The following SORCS1 variants were observed in gnomAD, a reference collection of about 807,000 sequenced individuals.
SORCS1 encodes the protein VPS10 domain-containing receptor SorCS1.
SORCS1 carries 60 observed loss-of-function variants against 146.1 expected under a neutral mutation model. The observed-to-expected ratio is 0.41, with a 90% confidence interval of 0.33 to 0.51. The LOEUF (loss-of-function observed/expected upper bound fraction) is 0.51. Ranked by LOEUF, SORCS1 falls within the 20% of genes least tolerant of loss-of-function variation. SORCS1 has a pLI of 0.21. For synonymous variants in SORCS1, 637 were observed against 584.0 expected (o/e 1.09, Z -1.31); for missense variants, 1,352 against 1,487.6 (o/e 0.91, Z 1.50).
intron 5 of SORCS1, among the ~76,000 whole-genome samples, chr10:106,742,385 CAA>C (rs71951067): frequency 0.097 from 14,386 of 148,180 alleles, 1,424 homozygotes; most frequent in East Asian, 0.27. Flanking sequence ...TAATTTTACA[CAA>C]TTTTTTTTTT....
At chr10:106,672,769 G>T in intron 15 of SORCS1, 99 bp downstream of exon 15, 4 of 915,068 alleles carry the variant, frequency 4.4e-6, no homozygotes, top group Non-Finnish European at 6.9e-6. Flanking sequence ...GGACATTTTG[G>T]CCTAGAGCAT....
intron 1 of SORCS1, among the ~76,000 whole-genome samples, chr10:107,036,367 A>G (rs7895351): frequency 0.48 from 73,262 of 152,022 alleles, 17,759 homozygotes; most frequent in East Asian, 0.65. Flanking sequence ...AGATTTTGGT[A>G]TTCACGGGGT....
intron 24 of SORCS1, among the ~76,000 whole-genome samples, chr10:106,580,992 A>C (rs987074567): frequency 1.3e-5 from 2 of 152,166 alleles, no homozygotes; most frequent in Non-Finnish European, 2.9e-5. Flanking sequence ...TTGTGTGTAA[A>C]AGATGGGTGG....
intron 1 of SORCS1, among the ~76,000 whole-genome samples, chr10:106,993,128 C>T (rs981162007): frequency 6.6e-6 from 1 of 152,198 alleles, no homozygotes; most frequent in Non-Finnish European, 1.5e-5. Context: ...CCACGCCCAG[C>T]CGGGCCTGGC....
At chr10:107,059,967 G>C (rs142902500) in intron 1 of SORCS1, among the ~76,000 whole-genome samples, 7 of 151,972 alleles carry the variant, frequency 4.6e-5, no homozygotes, top group Non-Finnish European at 8.8e-5. Flanking sequence ...AAGTACATTA[G>C]AATGCCAGAG....
Position 106,699,151 on chromosome 10 carries a change from G to A in SORCS1, c.1413+63C>T, listed in dbSNP as rs1853935081. 6.3e-6 allele frequency: 9 copies of A among 1,431,200 alleles called. No homozygotes were observed. The Admixed American group carries it at 6.8e-5, about 11-fold the overall frequency. The allele number at this position is 1,431,200 out of a possible 1,614,324, so 88.7% of individuals were successfully genotyped here. A position where few individuals can be genotyped will look rare whatever the true frequency, so the allele number is the denominator to read the frequency against. On this transcript the variant is annotated intron_variant, in intron 9 of 25. Transcript: ENST00000263054. Reference sequence around the variant, plus strand: ...AAATGACCAGGAAAAGAGTCCATGCGGGGCTTCCATCAGCCAGCTGGGCAC... The same window carrying A: ...AAATGACCAGGAAAAGAGTCCATGCAGGGCTTCCATCAGCCAGCTGGGCAC...
intron 1 of SORCS1, among the ~76,000 whole-genome samples, chr10:107,069,518 G>A (rs956884852): frequency 1.6e-4 from 25 of 152,046 alleles, no homozygotes; most frequent in African/African-American, 5.6e-4. Context: ...TGGGATTACA[G>A]GCACCCACCA....
intron 9 of SORCS1, among the ~76,000 whole-genome samples, chr10:106,697,603 T>C (rs1385033916): frequency 4.7e-5 from 2 of 42,204 alleles, no homozygotes; most frequent in Non-Finnish European, 2.5e-4. Flanking sequence ...GTTAAGGCTA[T>C]GAGAGTAGAA....
chr10:106,990,091 A>G (rs7893130), intron 1 of SORCS1, among the ~76,000 whole-genome samples: 18,818 of 152,146 alleles, frequency 0.12, 3,464 homozygotes, highest in African/African-American at 0.4. Context: ...TTCTTTTGCA[A>G]TGAAAATACC....
At chr10:107,066,023 T>C (rs775919269) in intron 1 of SORCS1, among the ~76,000 whole-genome samples, 10 of 152,186 alleles carry the variant, frequency 6.6e-5, no homozygotes, top group Non-Finnish European at 1.2e-4. Context: ...CATATTTCTC[T>C]AAACCTTCAT....
chr10:107,124,078 C>T (rs573858201), intron 1 of SORCS1, among the ~76,000 whole-genome samples: 153 of 147,156 alleles, frequency 1.0e-3, no homozygotes, highest in African/African-American at 3.5e-3. Context: ...CAGAGCGAGA[C>T]TTCGTCTCAA....
chr10:106,844,076 C>T (rs1330871422), intron 2 of SORCS1, among the ~76,000 whole-genome samples: 5 of 152,188 alleles, frequency 3.3e-5, no homozygotes, highest in Admixed American at 2.0e-4. Context: ...TGATAAAAAA[C>T]ATCCTAATAG....
chr10:106,660,051 C>A (rs1205420572), intron 17 of SORCS1, among the ~76,000 whole-genome samples: 2 of 152,048 alleles, frequency 1.3e-5, no homozygotes, highest in East Asian at 1.9e-4. Context: ...AACACATGCA[C>A]CATTTTTAGG....
chr10:106,755,260 G>T (rs1455554158), intron 5 of SORCS1, among the ~76,000 whole-genome samples: 1 of 152,152 alleles, frequency 6.6e-6, no homozygotes, highest in Non-Finnish European at 1.5e-5. Flanking sequence ...TTTTTCTCCT[G>T]TCTTTTATTG....
intron 3 of SORCS1, among the ~76,000 whole-genome samples, chr10:106,794,802 C>T (rs1400645079): frequency 6.6e-6 from 1 of 152,040 alleles, no homozygotes; most frequent in African/African-American, 2.4e-5. Context: ...CACACCGGGC[C>T]CTCATTGTTT....
intron 17 of SORCS1, among the ~76,000 whole-genome samples, chr10:106,663,509 T>C (rs1195635837): frequency 6.6e-6 from 1 of 152,172 alleles, no homozygotes; most frequent in Non-Finnish European, 1.5e-5. Flanking sequence ...ATTTTTTAAG[T>C]AAAAATCTAA....
At chr10:106,841,361 T>C (rs1347218736) in intron 2 of SORCS1, among the ~76,000 whole-genome samples, 1 of 151,860 alleles carries the variant, frequency 6.6e-6, no homozygotes, top group Non-Finnish European at 1.5e-5. Context: ...TCCCAGCTAC[T>C]CGGGAGGCTG....
intron 1 of SORCS1, among the ~76,000 whole-genome samples, chr10:107,125,294 A>T (rs1356063824): frequency 6.6e-6 from 1 of 152,122 alleles, no homozygotes; most frequent in Non-Finnish European, 1.5e-5. Context: ...TCTTTATTTC[A>T]GAAAGGCCTA....
chr10:106,575,274 G>A lies in SORCS1; in HGVS notation c.*2146C>T, dbSNP rs1261790195. On this transcript the variant is annotated 3_prime_UTR_variant, in exon 26 of 26. Transcript: ENST00000263054. ...CCTAGCCCATTTCCCAGATTCATAT[G>A]GGGTATCCTCAACCATAAACATCTC... is the stretch of plus-strand genomic sequence containing the variant. 1 of 152,388 alleles carries A rather than the reference G, an allele frequency of 6.6e-6. No homozygotes were observed. The highest frequency in any genetic ancestry group is 1.5e-5 in the Non-Finnish European group (1 of 68,046). 9.4% of individuals were successfully genotyped at this position (152,388 alleles called of 1,614,324 possible). A position where few individuals can be genotyped will look rare whatever the true frequency, so the allele number is the denominator to read the frequency against.
Sources: allele counts gnomAD v4.1 joint callset (sites outside exome capture counted in the v4.1 genomes callset), GRCh38; gene constraint gnomAD v4.1.1; transcripts MANE v1.5; gene names NCBI Gene and HGNC (gene_info 2026-07-23, HGNC 2026-07-21).